The following PARVA variants were observed in gnomAD, a reference collection of about 807,000 sequenced individuals.
PARVA encodes parvin alpha, also known as alpha-parvin.
PARVA carries 25 observed loss-of-function variants against 52.6 expected under a neutral mutation model. The ratio of observed to expected loss-of-function variants is 0.48; its 90% CI spans 0.35 to 0.66. The LOEUF is 0.66. Among genes scored for constraint, PARVA ranks in the 30% least tolerant of loss-of-function variants. The probability of loss-of-function intolerance (pLI) is 0.01; values close to 1 mark genes in which losing one functional copy is unlikely to be tolerated. For synonymous variants in PARVA, 185 were observed against 179.1 expected (o/e 1.03, Z -0.26); for missense variants, 373 against 450.9 (o/e 0.83, Z 1.56).
At chr11:12,416,561 C>T (rs1486007725) in intron 1 of PARVA, among the ~76,000 whole-genome samples, 2 of 152,136 alleles carry the variant, frequency 1.3e-5, no homozygotes, top group African/African-American at 4.8e-5. Flanking sequence ...CTGGAACCTT[C>T]GCCGACTCCA....
At chr11:12,489,778 T>C (rs1941208331) in intron 4 of PARVA, among the ~76,000 whole-genome samples, 1 of 152,164 alleles carries the variant, frequency 6.6e-6, no homozygotes, top group African/African-American at 2.4e-5. Flanking sequence ...CTGAAAGCTG[T>C]CTTTCACAAG....
intron 1 of PARVA, among the ~76,000 whole-genome samples, chr11:12,383,721 C>G (rs1398848936): frequency 6.6e-6 from 1 of 152,134 alleles, no homozygotes; most frequent in Non-Finnish European, 1.5e-5. Flanking sequence ...GTCTCAAACT[C>G]CTGGGCATAT....
At chr11:12,512,003 A>T (rs978129908) in intron 8 of PARVA, among the ~76,000 whole-genome samples, 2 of 152,220 alleles carry the variant, frequency 1.3e-5, no homozygotes, top group Non-Finnish European at 2.9e-5. Context: ...TCAGAAAAAA[A>T]CGTTTTGAGC....
chr11:12,406,249 T>C (rs145546622), intron 1 of PARVA, among the ~76,000 whole-genome samples: 1 of 152,368 alleles, frequency 6.6e-6, no homozygotes, highest in African/African-American at 2.4e-5. Context: ...TGTTTTACGA[T>C]AGAATTCCAT....
chr11:12,396,280 A>G (rs1939744116), intron 1 of PARVA, among the ~76,000 whole-genome samples: 1 of 152,252 alleles, frequency 6.6e-6, no homozygotes, highest in Non-Finnish European at 1.5e-5. Flanking sequence ...ATTCATCAAT[A>G]ATAATTATTA....
intron 1 of PARVA, among the ~76,000 whole-genome samples, chr11:12,395,270 T>C (rs940564220): frequency 4.6e-5 from 7 of 152,280 alleles, no homozygotes; most frequent in African/African-American, 1.7e-4. Context: ...AAAAAGACTT[T>C]AATGAATCAT....
intron 1 of PARVA, chr11:12,452,951 G>T (rs1182302500): frequency 2.2e-6 from 1 of 454,734 alleles, no homozygotes; most frequent in Non-Finnish European, 4.4e-6. Flanking sequence ...AAACCACAGG[G>T]AGGGGGTCAG....
At chr11:12,427,453 A>C (rs909216578) in intron 1 of PARVA, among the ~76,000 whole-genome samples, 29 of 152,216 alleles carry the variant, frequency 1.9e-4, no homozygotes, top group Non-Finnish European at 4.4e-5. Context: ...ACATGAATAC[A>C]TGGCTATTTT....
intron 12 of PARVA, among the ~76,000 whole-genome samples, chr11:12,519,161 G>A (rs1296429432): frequency 6.6e-6 from 1 of 152,218 alleles, no homozygotes; most frequent in Non-Finnish European, 1.5e-5. Context: ...CACCAGAGCT[G>A]GCAGGTCACC....
At chr11:12,501,347 A>G (rs939802397) in intron 5 of PARVA, among the ~76,000 whole-genome samples, 27 of 152,056 alleles carry the variant, frequency 1.8e-4, no homozygotes, top group Admixed American at 1.6e-3. Context: ...TAGCTATACT[A>G]TCTTAACTAT....
At chr11:12,504,271 C>G in intron 5 of PARVA, 43 bp from the exon 6 acceptor site, 1 of 1,135,522 alleles carries the variant, frequency 8.8e-7, no homozygotes, top group Non-Finnish European at 1.3e-6. Context: ...TGCCTAGAAC[C>G]TGGAAGAAGA....
At chr11:12,474,571 A>G (rs1413626900) in intron 3 of PARVA, among the ~76,000 whole-genome samples, 3 of 152,008 alleles carry the variant, frequency 2.0e-5, no homozygotes, top group Non-Finnish European at 4.4e-5. Flanking sequence ...GGCACTCATG[A>G]GTGTCATCCC....
At chr11:12,482,907 T>G (rs1289621298) in intron 4 of PARVA, among the ~76,000 whole-genome samples, 2 of 152,200 alleles carry the variant, frequency 1.3e-5, no homozygotes, top group Non-Finnish European at 2.9e-5. Context: ...CAAACCATAT[T>G]AGGCAGGGAC....
Position 12,530,755 on chromosome 11 carries a change from T to A in PARVA, c.*2830T>A, listed in dbSNP as rs1297657985. 1 of 152,228 alleles carries A rather than the reference T, an allele frequency of 6.6e-6. No individual in the cohort carries two copies. The highest frequency in any genetic ancestry group is 1.5e-5 in the Non-Finnish European group (1 of 68,046). 9.4% of individuals were successfully genotyped at this position (152,228 alleles called of 1,614,324 possible). ...TTAATGTTATATCTTGGATATTGTA[T>A]TACCCTGGGTATTAAAAAGAACTCC... is the stretch of plus-strand genomic sequence containing the variant. On this transcript the variant is annotated 3_prime_UTR_variant, in exon 13 of 13. Coordinates refer to ENST00000334956, the MANE Select transcript of PARVA (RefSeq NM_018222.5).
At chr11:12,400,961 C>A (rs1340021619) in intron 1 of PARVA, among the ~76,000 whole-genome samples, 1 of 152,120 alleles carries the variant, frequency 6.6e-6, no homozygotes, top group Non-Finnish European at 1.5e-5. Context: ...TAAATGTTGA[C>A]CTGTATTTCC....
At chr11:12,484,341 G>A (rs780961339) in intron 4 of PARVA, among the ~76,000 whole-genome samples, 5 of 152,128 alleles carry the variant, frequency 3.3e-5, no homozygotes, top group Non-Finnish European at 5.9e-5. Context: ...CATGTGCTGG[G>A]AACAGAAAAG....
chr11:12,508,123 C>A lies in PARVA; in HGVS notation c.658-461C>A, dbSNP rs201057750. 3.5e-3 allele frequency among the ~76,000 whole-genome samples: 323 copies of A among 93,492 alleles called. 2 individuals carry two copies. The highest frequency in any genetic ancestry group is 7.2e-3 in the East Asian group (25 of 3,484). 61.3% of individuals were successfully genotyped at this position (93,492 alleles called of 152,430 possible). On this transcript the variant is annotated intron_variant, in intron 6 of 12. Transcript: ENST00000334956. ...TTAAAAAAAAAAAAAAAAAAAAAAA[C>A]CAAAAAAAAAAACCCTCTGCCTCTT...
At chr11:12,432,613 C>A (rs1226324475) in intron 1 of PARVA, among the ~76,000 whole-genome samples, 6 of 152,250 alleles carry the variant, frequency 3.9e-5, no homozygotes, top group Admixed American at 6.5e-5. Context: ...TCAACAGAAC[C>A]AAACCAAACC....
chr11:12,517,481 A>G (rs1941583633), intron 10 of PARVA, 129 bp from the exon 11 acceptor site: 1 of 694,256 alleles, frequency 1.4e-6, no homozygotes, highest in Non-Finnish European at 2.6e-6. Flanking sequence ...CACTGCCCCT[A>G]CCCCCGAGCT....
Sources: allele counts gnomAD v4.1 joint callset (sites outside exome capture counted in the v4.1 genomes callset), GRCh38; gene constraint gnomAD v4.1.1; transcripts MANE v1.5; gene names NCBI Gene and HGNC (gene_info 2026-07-23, HGNC 2026-07-21).